The following CHL1 variants were observed in gnomAD, a reference collection of about 807,000 sequenced individuals.
CHL1 encodes the protein cell adhesion molecule L1 like.
CHL1 carries 96 observed loss-of-function variants against 141.9 expected under a neutral mutation model. The observed-to-expected ratio is 0.68, with a 90% confidence interval of 0.57 to 0.80. CHL1 has a LOEUF of 0.80. CHL1 is among the 30% of genes least tolerant of loss of function. CHL1 has a pLI of 0.00. For synonymous variants in CHL1, 613 were observed against 502.2 expected, an observed-to-expected ratio of 1.22 and a Z score of -2.95; for missense variants, 1,820 against 1,457.2, an observed-to-expected ratio of 1.25 and a Z score of -4.05.
At chr3:207,710 G>C (rs1408863275) in intron 1 of CHL1, among the ~76,000 whole-genome samples, 1 of 152,150 alleles carries the variant, frequency 6.6e-6, no homozygotes, top group Non-Finnish European at 1.5e-5. Flanking sequence ...GATAAAGATA[G>C]CCAAAACAAG....
chr3:229,418 G>C (rs1367498445), intron 1 of CHL1, among the ~76,000 whole-genome samples: 1 of 152,128 alleles, frequency 6.6e-6, no homozygotes, highest in Non-Finnish European at 1.5e-5. Flanking sequence ...CACAAATTCA[G>C]TTGCAGCCAC....
At chr3:360,626 C>T (rs1704142909) in intron 12 of CHL1, among the ~76,000 whole-genome samples, 2 of 150,206 alleles carry the variant, frequency 1.3e-5, no homozygotes, top group East Asian at 2.0e-4. Flanking sequence ...TTTTAGGGTA[C>T]ATGTGCACAA....
chr3:322,672 T>TAATTA (rs1220334388), intron 3 of CHL1, among the ~76,000 whole-genome samples: 2 of 127,866 alleles, frequency 1.6e-5, no homozygotes, highest in African/African-American at 6.2e-5. Context: ...ATATATATAA[T>TAATTA]TATATATATA....
chr3:214,241 G>A (rs1024036996), intron 1 of CHL1, among the ~76,000 whole-genome samples: 3 of 152,130 alleles, frequency 2.0e-5, no homozygotes, highest in Non-Finnish European at 2.9e-5. Context: ...TCTTCTCTAC[G>A]TTTCAGAGTA....
rs1211808221 is a variant in CHL1 at position 354,743 on chromosome 3, G to A, written c.1137G>A (p.Lys379=). 6.2e-7 allele frequency: 1 copy of A among 1,613,866 alleles called. No homozygotes were observed. Among genetic ancestry groups the A allele is most frequent in the Admixed American group, 1.7e-5 (1 of 59,974 alleles). ...EAEGEPQPTI[K]WRVNGSPVDN... ...AAGGAGAACCTCAACCCACAATCAA[G>A]TGGAGAGTCAATGGCTCCCCAGTTG... is the stretch of plus-strand genomic sequence containing the variant. Residue 379 remains lysine (K), a synonymous_variant, in exon 11 of 28, where the codon AAG becomes AAA. Transcript: ENST00000256509.
At chr3:206,428 T>C (rs939582377) in intron 1 of CHL1, among the ~76,000 whole-genome samples, 11 of 151,740 alleles carry the variant, frequency 7.2e-5, no homozygotes, top group African/African-American at 2.7e-4. Context: ...ATCGCACCAC[T>C]GCACTCCAGC....
intron 1 of CHL1, among the ~76,000 whole-genome samples, chr3:225,818 G>A (rs1485722988): frequency 1.3e-5 from 2 of 151,998 alleles, no homozygotes; most frequent in Admixed American, 6.6e-5. Context: ...GGCCATCCTG[G>A]CTAACTCTGT....
chr3:201,966 C>T (rs1378078648), intron 1 of CHL1, among the ~76,000 whole-genome samples: 1 of 152,120 alleles, frequency 6.6e-6, no homozygotes, highest in Non-Finnish European at 1.5e-5. Flanking sequence ...TATACATTTC[C>T]TTTTATGCAT....
chr3:319,472 G>A (rs539611123), intron 2 of CHL1, among the ~76,000 whole-genome samples: 1 of 151,386 alleles, frequency 6.6e-6, no homozygotes, highest in Non-Finnish European at 1.5e-5. Context: ...AATAGTCTGT[G>A]GTTTACAATA....
intron 2 of CHL1, among the ~76,000 whole-genome samples, chr3:301,619 C>G (rs1002440117): frequency 1.3e-5 from 2 of 152,166 alleles, no homozygotes; most frequent in African/African-American, 4.8e-5. Context: ...GTATGAGAAG[C>G]AAAGCAGAAT....
intron 1 of CHL1, among the ~76,000 whole-genome samples, chr3:225,066 A>C (rs987224989): frequency 1.4e-4 from 21 of 152,162 alleles, no homozygotes; most frequent in African/African-American, 5.1e-4. Context: ...CTCAGGAGGC[A>C]GAGGCTGCAG....
At chr3:202,227 A>C (rs11128888) in intron 1 of CHL1, among the ~76,000 whole-genome samples, 63,487 of 152,020 alleles carry the variant, frequency 0.42, 14,895 homozygotes, top group East Asian at 0.58. Flanking sequence ...ATGCAGACAG[A>C]TTAGTAGCAC....
At chr3:289,754 A>T (rs1475855418) in intron 2 of CHL1, among the ~76,000 whole-genome samples, 1 of 151,652 alleles carries the variant, frequency 6.6e-6, no homozygotes, top group Admixed American at 6.6e-5. Context: ...TTTTATGCTC[A>T]TTAATACATT....
At chr3:252,361 G>GATATACAT in intron 2 of CHL1, among the ~76,000 whole-genome samples, 1 of 54,290 alleles carries the variant, frequency 1.8e-5, no homozygotes, top group East Asian at 1.0e-3. Context: ...AAAGCATCCA[G>GATATACAT]ATATATATAT....
In CHL1 at chr3:278,615, CT is replaced by C. The variant is rs985430530; in HGVS notation, c.-95+33931del. On this transcript the variant is annotated intron_variant, in intron 2 of 27. Coordinates refer to ENST00000256509, the MANE Select transcript of CHL1 (RefSeq NM_006614.4). ...ACCTGTTTTCCTGTTTGATGCGCTG[CT>C]TTTTTTTGCTTATCCGTAAAAAGGA... is the stretch of plus-strand genomic sequence containing the variant. Among the ~76,000 whole-genome samples, 4 of 151,964 alleles carry C rather than the reference CT, an allele frequency of 2.6e-5. No homozygotes were observed. The South Asian group carries it at 8.3e-4, about 32-fold the overall frequency.
intron 2 of CHL1, among the ~76,000 whole-genome samples, chr3:303,421 G>C (rs1053544022): frequency 2.0e-5 from 3 of 152,160 alleles, no homozygotes; most frequent in Admixed American, 2.0e-4. Flanking sequence ...TCCTTGAGCA[G>C]TGGTTTGTAG....
intron 2 of CHL1, among the ~76,000 whole-genome samples, chr3:295,948 C>T (rs966794729): frequency 9.2e-5 from 14 of 152,084 alleles, no homozygotes; most frequent in Non-Finnish European, 1.8e-4. Context: ...AAGAGAGAAC[C>T]TTGGTGCCCC....
At chr3:379,393 G>C (rs1340260890) in intron 16 of CHL1, among the ~76,000 whole-genome samples, 1 of 152,110 alleles carries the variant, frequency 6.6e-6, no homozygotes, top group African/African-American at 2.4e-5. Flanking sequence ...TTGGGTATTT[G>C]AGCATTTTCA....
chr3:341,665 T>G (rs184392569), intron 6 of CHL1, among the ~76,000 whole-genome samples: 221 of 152,328 alleles, frequency 1.5e-3, no homozygotes, highest in African/African-American at 5.0e-3. Context: ...AGTTTACCAC[T>G]GTTTGTCTAC....
Sources: gnomAD v4.1 joint callset for allele counts (sites outside exome capture counted in the v4.1 genomes callset) on GRCh38, gnomAD v4.1.1 for gene constraint, MANE v1.5 for transcripts, NCBI Gene and HGNC (gene_info 2026-07-23, HGNC 2026-07-21) for gene names.